Variants in DGLUCY observed in about 807,000 individuals in gnomAD.
DGLUCY encodes the protein D-glutamate cyclase.
Under a neutral mutation model 58.5 loss-of-function variants are expected in DGLUCY, and 58 were observed. The observed-to-expected ratio is 0.99, with a 90% confidence interval of 0.80 to 1.23. DGLUCY has a LOEUF of 1.23. Ranked by LOEUF, DGLUCY falls within the 50% of genes most tolerant of loss-of-function variation. DGLUCY has a pLI of 0.00. For missense variants in DGLUCY, 779 were observed against 784.7 expected, an observed-to-expected ratio of 0.99 and a Z score of 0.09; for synonymous variants, 325 against 314.1, an observed-to-expected ratio of 1.03 and a Z score of -0.37.
intron 11 of DGLUCY, among the ~76,000 whole-genome samples, chr14:91,200,742 A>T (rs1595903190): frequency 1.3e-5 from 2 of 152,106 alleles, no homozygotes; most frequent in African/African-American, 4.8e-5. Context: ...TGCTTGGGTA[A>T]TGTCACGTGC....
intron 1 of DGLUCY, among the ~76,000 whole-genome samples, chr14:91,127,609 A>G (rs1354586073): frequency 6.6e-6 from 1 of 152,230 alleles, no homozygotes; most frequent in South Asian, 2.1e-4. Context: ...AACGCCGGGC[A>G]GAAGTGGCTG....
At chr14:91,068,842 C>A (rs1255344262) in intron 1 of DGLUCY, among the ~76,000 whole-genome samples, 1 of 152,134 alleles carries the variant, frequency 6.6e-6, no homozygotes, top group Non-Finnish European at 1.5e-5. Flanking sequence ...GGTATGCCTG[C>A]CAAATACTGC....
chr14:91,115,878 C>T (rs186278867), intron 1 of DGLUCY, among the ~76,000 whole-genome samples: 193 of 145,014 alleles, frequency 1.3e-3, no homozygotes, highest in African/African-American at 4.5e-3. Flanking sequence ...GCTCGGCTGG[C>T]GCTGTAGCTG....
Position 91,221,617 on chromosome 14 carries a change from T to C in DGLUCY, c.1717-3067T>C, listed in dbSNP as rs144242340. Reference sequence around the variant, plus strand: ...ATGCATGCATGGATGGATGGATAGATGGGTGAGCAGATGGAAGGATGAATG... The same window carrying C: ...ATGCATGCATGGATGGATGGATAGACGGGTGAGCAGATGGAAGGATGAATG... On this transcript the variant is annotated intron_variant, in intron 13 of 13. Coordinates refer to ENST00000256324, the MANE Select transcript of DGLUCY (RefSeq NM_001102368.3). Among the ~76,000 whole-genome samples, 1,120 of 152,042 alleles carry C rather than the reference T, an allele frequency of 7.4e-3. 10 individuals are homozygous for C. Among genetic ancestry groups the C allele is most frequent in the Middle Eastern group, 0.024 (7 of 294 alleles).
intron 1 of DGLUCY, among the ~76,000 whole-genome samples, chr14:91,091,465 T>C (rs1239015089): frequency 6.6e-6 from 1 of 152,044 alleles, no homozygotes; most frequent in African/African-American, 2.4e-5. Context: ...GAGGTTGCAG[T>C]GAGCCTAGAT....
chr14:91,183,826 T>C (rs1162065400), intron 8 of DGLUCY, among the ~76,000 whole-genome samples: 2 of 152,122 alleles, frequency 1.3e-5, no homozygotes, highest in South Asian at 2.1e-4. Context: ...AGAATCTCAA[T>C]GGAAACGGTA....
chr14:91,172,829 T>C (rs982178879), intron 5 of DGLUCY, among the ~76,000 whole-genome samples: 3 of 152,236 alleles, frequency 2.0e-5, no homozygotes. Context: ...GTATTTTTAA[T>C]AGAGATGGGG....
chr14:91,111,320 GGC>G (rs1407356648), upstream of DGLUCY, among the ~76,000 whole-genome samples: 7 of 148,186 alleles, frequency 4.7e-5, no homozygotes, highest in South Asian at 1.1e-3. Flanking sequence ...CTCACTCGGT[GGC>G]CAGGCTGGAG....
At chr14:91,144,017 C>G (rs2046881152) in intron 1 of DGLUCY, among the ~76,000 whole-genome samples, 2 of 152,256 alleles carry the variant, frequency 1.3e-5, no homozygotes, top group South Asian at 4.1e-4. Context: ...TGTAAGATCT[C>G]CTCTTCCAAT....
At position 91,210,898 on chromosome 14, in the gene DGLUCY, C is replaced by A. The variant is rs911595916; in HGVS notation, c.1565-4507C>A. On this transcript the variant is annotated intron_variant, in intron 12 of 13. Coordinates refer to ENST00000256324, the MANE Select transcript of DGLUCY (RefSeq NM_001102368.3). ...ACAAGAAAAAGAAATATAATGTAAA[C>A]AGATTGGGAAGGAATAAATAAAATT... Among the ~76,000 whole-genome samples the A allele has an allele frequency of 3.3e-5, 5 of 152,226 alleles. No homozygotes were observed. The South Asian group carries it at 1.0e-3, about 32-fold the overall frequency.
intron 1 of DGLUCY, chr14:91,060,763 A>T (rs1687090987): frequency 4.6e-6 from 1 of 216,532 alleles, no homozygotes; most frequent in East Asian, 8.9e-5. Flanking sequence ...GCGTCTGCCA[A>T]CGCCGGTTCC....
chr14:91,211,783 ACTT>A lies in DGLUCY; in HGVS notation c.1565-3618_1565-3616del, dbSNP rs368694058. On this transcript the variant is annotated intron_variant, in intron 12 of 13. Coordinates refer to ENST00000256324, the MANE Select transcript of DGLUCY (RefSeq NM_001102368.3). ...TTGGATGAGCATGAGTATGATTATGACTTCTTTTTATTTTAATTTGATTGATTG... is the reference window on the plus strand; with the variant it reads ...TTGGATGAGCATGAGTATGATTATGACTTTTTATTTTAATTTGATTGATTG... Among the ~76,000 whole-genome samples, 436 of 145,888 alleles carry A rather than the reference ACTT, an allele frequency of 3.0e-3. 2 individuals carry two copies. The highest frequency in any genetic ancestry group is 9.2e-3 in the African/African-American group (362 of 39,228).
At chr14:91,179,019 G>C (rs2049012023) in intron 7 of DGLUCY, among the ~76,000 whole-genome samples, 1 of 151,358 alleles carries the variant, frequency 6.6e-6, no homozygotes, top group South Asian at 2.1e-4. Flanking sequence ...GCGAGACTCT[G>C]TCTCAAAAAA....
intron 3 of DGLUCY, 40 bp downstream of exon 3, chr14:91,160,437 AAAAAG>A: frequency 5.0e-6 from 7 of 1,394,596 alleles, no homozygotes; most frequent in Non-Finnish European, 6.8e-6. Flanking sequence ...AAAAAAAAAA[AAAAAG>A]AAAGTTCCTG....
chr14:91,076,906 A>G (rs1241746280), intron 1 of DGLUCY, among the ~76,000 whole-genome samples: 4 of 152,112 alleles, frequency 2.6e-5, no homozygotes, highest in Admixed American at 2.6e-4. Flanking sequence ...GGGAAGTACT[A>G]ACAGCCTGGA....
intron 10 of DGLUCY, among the ~76,000 whole-genome samples, chr14:91,198,116 C>T (rs2050328760): frequency 6.6e-6 from 1 of 152,224 alleles, no homozygotes; most frequent in African/African-American, 2.4e-5. Context: ...AATCTTGGCT[C>T]ACTGCAGCCT....
In DGLUCY at chr14:91,224,983, C is replaced by A; in HGVS notation, c.*150C>A. 1 of 897,438 alleles carries A rather than the reference C, an allele frequency of 1.1e-6. No homozygotes were observed. The highest frequency in any genetic ancestry group is 1.6e-6 in the Non-Finnish European group (1 of 632,114). 55.6% of individuals were successfully genotyped at this position (897,438 alleles called of 1,614,324 possible). Reference sequence around the variant, plus strand: ...CCTGGCCTGGGAAACTGCATGCCCACTTTCTGGGAGGGGTTAGTGCAGGTG... The same window carrying A: ...CCTGGCCTGGGAAACTGCATGCCCAATTTCTGGGAGGGGTTAGTGCAGGTG... On this transcript the variant is annotated 3_prime_UTR_variant, in exon 14 of 14. Transcript: ENST00000256324.
chr14:91,137,218 C>G (rs1046976053), intron 1 of DGLUCY, among the ~76,000 whole-genome samples: 4 of 151,594 alleles, frequency 2.6e-5, no homozygotes, highest in African/African-American at 4.8e-5. Flanking sequence ...AGGGGTCCTC[C>G]CACCCCAGGT....
intron 1 of DGLUCY, among the ~76,000 whole-genome samples, chr14:91,151,726 C>T (rs1183239263): frequency 6.7e-6 from 1 of 149,466 alleles, no homozygotes; most frequent in East Asian, 2.0e-4. Context: ...GCGATCTTGG[C>T]TCACTGCAAC....
Sources: allele counts gnomAD v4.1 joint callset (sites outside exome capture counted in the v4.1 genomes callset), GRCh38; gene constraint gnomAD v4.1.1; transcripts MANE v1.5; gene names NCBI Gene and HGNC (gene_info 2026-07-23, HGNC 2026-07-21).